RETREG1: variants seen among roughly 807,000 people sequenced by gnomAD.
RETREG1 encodes the protein family with sequence similarity 134 member B.
RETREG1 carries 44 observed loss-of-function variants against 54.8 expected under a neutral mutation model. The ratio of observed to expected loss-of-function variants is 0.80; its 90% CI spans 0.63 to 1.03. RETREG1 has a LOEUF of 1.03. RETREG1 is among the 50% of genes least tolerant of loss of function. The probability of loss-of-function intolerance (pLI) is 0.00; values close to 1 mark genes in which losing one functional copy is unlikely to be tolerated. For synonymous variants in RETREG1, 217 were observed against 238.5 expected (o/e 0.91, Z 0.83); for missense variants, 554 against 605.1 (o/e 0.92, Z 0.89).
intron 3 of RETREG1, among the ~76,000 whole-genome samples, chr5:16,529,402 A>G (rs1482731764): frequency 6.6e-6 from 1 of 152,202 alleles, no homozygotes; most frequent in East Asian, 1.9e-4. Flanking sequence ...AAGTTTCTGG[A>G]AAAGATTGCA....
At chr5:16,517,490 A>C (rs1397297762) in intron 3 of RETREG1, among the ~76,000 whole-genome samples, 1 of 150,802 alleles carries the variant, frequency 6.6e-6, no homozygotes, top group Non-Finnish European at 1.5e-5. Context: ...TTAATTACTT[A>C]AGTAAGTGAA....
At chr5:16,527,519 T>C (rs966907857) in intron 3 of RETREG1, among the ~76,000 whole-genome samples, 21 of 152,300 alleles carry the variant, frequency 1.4e-4, no homozygotes, top group Non-Finnish European at 2.9e-4. Flanking sequence ...ATGGCATTAA[T>C]GCTAGTTTGG....
intron 3 of RETREG1, among the ~76,000 whole-genome samples, chr5:16,560,412 G>T (rs1238893171): frequency 6.6e-6 from 1 of 152,142 alleles, no homozygotes; most frequent in Non-Finnish European, 1.5e-5. Flanking sequence ...AGTGGTGAAT[G>T]GCCCACTATT....
In RETREG1 at chr5:16,475,202, T is replaced by C. The variant is rs777182419; in HGVS notation, c.1033A>G (p.Arg345Gly). The C allele has an allele frequency of 2.5e-6, 4 of 1,613,472 alleles. No individual in the cohort carries two copies. Among genetic ancestry groups the C allele is most frequent in the African/African-American group, 2.7e-5 (2 of 75,020 alleles). ...AGAGATGGAAAATCTGAAAGATCTCTAGAGAAAACTTCCTCACTGGGTCGG... is the reference window on the plus strand; with the variant it reads ...AGAGATGGAAAATCTGAAAGATCTCCAGAGAAAACTTCCTCACTGGGTCGG... ...LDRPSEEVFS[R>G]DLSDFPSLEN... The change falls in exon 9 of 9, where the codon AGA becomes GGA. Residue 345 changes from arginine (R) to glycine (G), a missense_variant. Around this residue, in one of 4 missense-constraint regions of RETREG1, gnomAD observed 347 missense variants for 412.3 expected, o/e 0.84. Transcript: ENST00000306320.
chr5:16,526,911 C>T (rs558053907), intron 3 of RETREG1, among the ~76,000 whole-genome samples: 1 of 152,298 alleles, frequency 6.6e-6, no homozygotes, highest in East Asian at 1.9e-4. Context: ...ACCATCTTTG[C>T]TACAGACAAC....
At chr5:16,510,843 C>T (rs958602742) in intron 3 of RETREG1, among the ~76,000 whole-genome samples, 5 of 127,906 alleles carry the variant, frequency 3.9e-5, no homozygotes, top group African/African-American at 1.2e-4. Context: ...AAAAAAAAAA[C>T]CTAATCAACA....
At chr5:16,532,963 G>C (rs1402770289) in intron 3 of RETREG1, among the ~76,000 whole-genome samples, 1 of 152,152 alleles carries the variant, frequency 6.6e-6, no homozygotes, top group Non-Finnish European at 1.5e-5. Context: ...AAAACCCTAG[G>C]TAAATGCTCT....
chr5:16,493,588 T>C (rs1046520164), intron 3 of RETREG1, among the ~76,000 whole-genome samples: 3 of 152,128 alleles, frequency 2.0e-5, no homozygotes, highest in Non-Finnish European at 4.4e-5. Context: ...CTGGCTCATT[T>C]AGATATAAGT....
chr5:16,529,343 C>T (rs1032985844), intron 3 of RETREG1, among the ~76,000 whole-genome samples: 1 of 152,110 alleles, frequency 6.6e-6, no homozygotes, highest in Admixed American at 6.5e-5. Context: ...CTAGACCTGG[C>T]GAGTGTCTGT....
At position 16,570,239 on chromosome 5, in the gene RETREG1, T is replaced by G. The variant is rs557851911; in HGVS notation, c.427+1757A>C. Among the ~76,000 whole-genome samples, 4 of 152,316 alleles carry G rather than the reference T, an allele frequency of 2.6e-5. No homozygotes were observed. In the South Asian group the frequency reaches 6.2e-4, roughly 24 times the overall value. On this transcript the variant is annotated intron_variant, in intron 2 of 8. Transcript: ENST00000306320. ...CATTCTTTCTATTCTACTACCTTAATTTTTTTAAAGGACTGAATTCTTGCA... is the reference window on the plus strand; with the variant it reads ...CATTCTTTCTATTCTACTACCTTAAGTTTTTTAAAGGACTGAATTCTTGCA...
At chr5:16,489,510 G>C (rs192032550) in intron 3 of RETREG1, among the ~76,000 whole-genome samples, 2 of 152,326 alleles carry the variant, frequency 1.3e-5, no homozygotes, top group Non-Finnish European at 2.9e-5. Context: ...CTAGCAGCCT[G>C]TTTCATCCCT....
intron 3 of RETREG1, among the ~76,000 whole-genome samples, chr5:16,505,828 C>T (rs1289834235): frequency 1.3e-5 from 2 of 152,196 alleles, no homozygotes; most frequent in Admixed American, 6.5e-5. Flanking sequence ...TAGTCGCTGC[C>T]CCCATTGTTC....
chr5:16,542,790 C>T (rs886344973), intron 3 of RETREG1, among the ~76,000 whole-genome samples: 5 of 152,226 alleles, frequency 3.3e-5, no homozygotes, highest in African/African-American at 4.8e-5. Context: ...ACTACCTCTA[C>T]GGTGCTTTCA....
intron 3 of RETREG1, among the ~76,000 whole-genome samples, chr5:16,549,154 C>T (rs1431927418): frequency 6.6e-6 from 1 of 152,160 alleles, no homozygotes; most frequent in African/African-American, 2.4e-5. Flanking sequence ...ATTTAGCTAC[C>T]TTTCTGATAC....
intron 3 of RETREG1, among the ~76,000 whole-genome samples, chr5:16,525,193 C>T (rs540306349): frequency 6.7e-6 from 1 of 150,004 alleles, no homozygotes; most frequent in Admixed American, 6.6e-5. Flanking sequence ...ACTGTGCTGA[C>T]ATGTGTCCTC....
At chr5:16,609,326 T>A (rs72748403) in intron 1 of RETREG1, among the ~76,000 whole-genome samples, 18,800 of 152,206 alleles carry the variant, frequency 0.12, 1,200 homozygotes, top group African/African-American at 0.15. Flanking sequence ...ACACCCTTTA[T>A]CATAACTTTA....
At chr5:16,501,708 A>G (rs1412645530) in intron 3 of RETREG1, among the ~76,000 whole-genome samples, 1 of 148,258 alleles carries the variant, frequency 6.7e-6, no homozygotes, top group Non-Finnish European at 1.5e-5. Flanking sequence ...ATGCCCAGCT[A>G]ATTTTTTTGT....
At chr5:16,587,433 G>A (rs909150339) in intron 1 of RETREG1, among the ~76,000 whole-genome samples, 16 of 152,246 alleles carry the variant, frequency 1.1e-4, no homozygotes, top group African/African-American at 3.9e-4. Flanking sequence ...AGAGTCCACC[G>A]CTCCATTTAA....
rs537978904 is a variant in RETREG1 at position 16,476,820 on chromosome 5, T to A, written c.1000+842A>T. 3.3e-5 allele frequency among the ~76,000 whole-genome samples: 5 copies of A among 152,224 alleles called. No individual in the cohort carries two copies. In the South Asian group the frequency reaches 1.0e-3, roughly 32 times the overall value. On this transcript the variant is annotated intron_variant, in intron 8 of 8. Transcript: ENST00000306320. ...GCTAATCGATGCTGGGCTTAATACC[T>A]AGGTGATGGGATGCAAACCACCATG...
Sources: allele counts gnomAD v4.1 joint callset (sites outside exome capture counted in the v4.1 genomes callset), GRCh38; gene constraint gnomAD v4.1.1; regional missense constraint gnomAD v4.1.1; transcripts MANE v1.5; gene names NCBI Gene and HGNC (gene_info 2026-07-23, HGNC 2026-07-21).